PIGK: variants seen among roughly 807,000 people sequenced by gnomAD.
The protein encoded by PIGK is phosphatidylinositol glycan anchor biosynthesis class K.
In PIGK, 42 loss-of-function variants were observed where a neutral mutation model predicts 50.6. The ratio of observed to expected loss-of-function variants is 0.83; its 90% CI spans 0.65 to 1.07. PIGK has a LOEUF of 1.07. PIGK is among the 50% of genes least tolerant of loss of function. PIGK has a pLI of 0.00. For missense variants in PIGK, 448 were observed against 488.7 expected, an observed-to-expected ratio of 0.92 and a Z score of 0.78; for synonymous variants, 151 against 156.0, an observed-to-expected ratio of 0.97 and a Z score of 0.24.
intron 3 of PIGK, among the ~76,000 whole-genome samples, chr1:77,172,908 A>T (rs546610033): frequency 5.5e-4 from 83 of 152,288 alleles, no homozygotes; most frequent in African/African-American, 1.8e-3. Context: ...TGGGCGACAG[A>T]GCGAGACTCC....
intron 10 of PIGK, 54 bp downstream of exon 10, chr1:77,122,221 T>A: frequency 2.6e-6 from 3 of 1,147,996 alleles, no homozygotes; most frequent in Middle Eastern, 3.9e-4. Flanking sequence ...AAGCAATTAC[T>A]TCTCAGCGAT....
intron 10 of PIGK, among the ~76,000 whole-genome samples, chr1:77,096,749 T>C (rs1653412782): frequency 6.6e-6 from 1 of 152,114 alleles, no homozygotes; most frequent in Non-Finnish European, 1.5e-5. Flanking sequence ...TTTGGAGTGG[T>C]TCATGATACA....
chr1:77,148,778 G>A (rs1355960637), intron 9 of PIGK, among the ~76,000 whole-genome samples: 4 of 151,548 alleles, frequency 2.6e-5, no homozygotes, highest in South Asian at 2.1e-4. Context: ...GCAGTGGCGC[G>A]ATCTCGGCTT....
At chr1:77,202,977 A>G (rs757793887) in intron 3 of PIGK, among the ~76,000 whole-genome samples, 13 of 152,200 alleles carry the variant, frequency 8.5e-5, no homozygotes, top group Non-Finnish European at 1.3e-4. Flanking sequence ...ACATTCCCTC[A>G]GTCAGCCTCA....
intron 8 of PIGK, among the ~76,000 whole-genome samples, chr1:77,157,737 T>C (rs773143189): frequency 4.6e-5 from 7 of 152,180 alleles, no homozygotes; most frequent in Non-Finnish European, 8.8e-5. Context: ...CCAAATCTCA[T>C]CTTGAATTAC....
At chr1:77,184,026 G>T (rs1157221837) in intron 3 of PIGK, among the ~76,000 whole-genome samples, 6 of 152,156 alleles carry the variant, frequency 3.9e-5, no homozygotes, top group African/African-American at 7.2e-5. Context: ...GGGAACCGCA[G>T]TTGCTCAACT....
chr1:77,213,652 A>G (rs902065680), intron 1 of PIGK, among the ~76,000 whole-genome samples: 2 of 152,100 alleles, frequency 1.3e-5, no homozygotes, highest in Non-Finnish European at 1.5e-5. Context: ...GGTACTAGAG[A>G]AGAACAGACC....
intron 10 of PIGK, among the ~76,000 whole-genome samples, chr1:77,109,385 G>A (rs1171741345): frequency 1.3e-5 from 2 of 152,096 alleles, no homozygotes; most frequent in Non-Finnish European, 2.9e-5. Flanking sequence ...ACCAAATCCA[G>A]CAGCACATCA....
Position 77,172,345 on chromosome 1 carries a change from C to T in PIGK, c.240-2950G>A, listed in dbSNP as rs1655385681. 2.6e-5 allele frequency among the ~76,000 whole-genome samples: 4 copies of T among 152,152 alleles called. No individual in the cohort carries two copies. In the South Asian group the frequency reaches 8.3e-4, roughly 31 times the overall value. On this transcript the variant is annotated intron_variant, in intron 3 of 10. Coordinates refer to ENST00000370812, the MANE Select transcript of PIGK (RefSeq NM_005482.3). ...AGTAAAATGCCAACCTGTAACCAAT[C>T]CAGTTGTTTCTGTATCTCACTTCCA...
At chr1:77,194,526 T>C (rs1490254395) in intron 3 of PIGK, among the ~76,000 whole-genome samples, 5 of 151,416 alleles carry the variant, frequency 3.3e-5, no homozygotes, top group Non-Finnish European at 5.9e-5. Flanking sequence ...CTAAGTGAAT[T>C]AATGCAGGAA....
At chr1:77,152,894 A>C (rs1020260566) in intron 9 of PIGK, among the ~76,000 whole-genome samples, 1 of 152,144 alleles carries the variant, frequency 6.6e-6, no homozygotes, top group African/African-American at 2.4e-5. Context: ...GGAGAAAAGG[A>C]ACACTCATAC....
In PIGK at chr1:77,154,624, G is replaced by GA; in HGVS notation, c.814-4dup. On this transcript the variant is annotated splice_polypyrimidine_tract_variant and splice_region_variant and intron_variant, in intron 8 of 10. Transcript: ENST00000370812. Reference sequence around the variant, plus strand: ...AGACTTTTGGGACATACCTGAAACTGAAAAAATATATAATAATAAATGCAT... The same window carrying GA: ...AGACTTTTGGGACATACCTGAAACTGAAAAAAATATATAATAATAAATGCAT... The GA allele has an allele frequency of 6.3e-6, 10 of 1,586,468 alleles. No individual in the cohort carries two copies. The highest frequency in any genetic ancestry group is 7.8e-6 in the Non-Finnish European group (9 of 1,159,602).
rs562969927 is a variant in PIGK, at chr1:77,190,753, C to T, written c.239+15887G>A. Among the ~76,000 whole-genome samples, 3 of 152,310 alleles carry T rather than the reference C, an allele frequency of 2.0e-5. No homozygotes were observed. The East Asian group carries it at 5.8e-4, about 29-fold the overall frequency. ...AATTAATTCCCCAAAGCCCCTGACTCATTTCTACAGAGAGGTATTGGGGCT... is the reference window on the plus strand; with the variant it reads ...AATTAATTCCCCAAAGCCCCTGACTTATTTCTACAGAGAGGTATTGGGGCT... On this transcript the variant is annotated intron_variant, in intron 3 of 10. Coordinates refer to ENST00000370812, the MANE Select transcript of PIGK (RefSeq NM_005482.3).
At position 77,110,879 on chromosome 1, in the gene PIGK, T is replaced by C. The variant is rs866517133; in HGVS notation, c.1071+11396A>G. Among the ~76,000 whole-genome samples the C allele has an allele frequency of 4.2e-4, 64 of 152,070 alleles. 2 individuals are homozygous for C. Among genetic ancestry groups the C allele is most frequent in the South Asian group, 4.2e-4 (2 of 4,818 alleles). ...CTACTCATCTGACAAAGGGCTAATA[T>C]CCAGAATCTACAAAGAACTCAAACA... On this transcript the variant is annotated intron_variant, in intron 10 of 10. Transcript: ENST00000370812.
At chr1:77,111,693 C>T (rs1001692121) in intron 10 of PIGK, among the ~76,000 whole-genome samples, 1 of 151,862 alleles carries the variant, frequency 6.6e-6, no homozygotes, top group Non-Finnish European at 1.5e-5. Flanking sequence ...ACCAACATGG[C>T]ATATGTATAC....
chr1:77,218,155 G>A (rs1226046946), intron 1 of PIGK, among the ~76,000 whole-genome samples: 2 of 152,112 alleles, frequency 1.3e-5, no homozygotes, highest in South Asian at 4.1e-4. Flanking sequence ...GGGGAGAAGA[G>A]GTTCCAATAT....
chr1:77,136,561 G>GATGTTTGC (rs1654524250), intron 9 of PIGK, among the ~76,000 whole-genome samples: 1 of 118,480 alleles, frequency 8.4e-6, no homozygotes, highest in African/African-American at 3.1e-5. Context: ...AAAAAAAAAA[G>GATGTTTGC]ATGTTTGCTG....
chr1:77,173,040 A>AC (rs1331631230), intron 3 of PIGK, among the ~76,000 whole-genome samples: 5 of 152,290 alleles, frequency 3.3e-5, no homozygotes, highest in Non-Finnish European at 5.9e-5. Flanking sequence ...AATCAAGGGA[A>AC]CCCAAGAGCA....
intron 10 of PIGK, among the ~76,000 whole-genome samples, chr1:77,102,551 C>G (rs567741715): frequency 6.6e-6 from 1 of 152,194 alleles, no homozygotes; most frequent in East Asian, 1.9e-4. Context: ...TGGGTGGTCT[C>G]TAGAAGCTTG....
Sources: gnomAD v4.1 joint callset for allele counts (sites outside exome capture counted in the v4.1 genomes callset) on GRCh38, gnomAD v4.1.1 for gene constraint, MANE v1.5 for transcripts, NCBI Gene and HGNC (gene_info 2026-07-23, HGNC 2026-07-21) for gene names.